Variants in SGPP2 observed in about 807,000 individuals in gnomAD.
The protein encoded by SGPP2 is sphingosine 1-phosphate phosphohydrolase 2.
SGPP2 carries 30 observed loss-of-function variants against 33.9 expected under a neutral mutation model. That is an observed-to-expected ratio of 0.89 (90% CI 0.66 to 1.20). The LOEUF (loss-of-function observed/expected upper bound fraction) is 1.20, where lower values mean the gene tolerates loss of function less well. Ranked by LOEUF, SGPP2 falls within the 50% of genes most tolerant of loss-of-function variation. The pLI is 0.00. For synonymous variants in SGPP2, 233 were observed against 225.0 expected (o/e 1.04, Z -0.32); for missense variants, 458 against 532.1 (o/e 0.86, Z 1.37).
intron 1 of SGPP2, among the ~76,000 whole-genome samples, chr2:222,448,442 A>G (rs1697428902): frequency 6.6e-6 from 1 of 152,184 alleles, no homozygotes; most frequent in Admixed American, 6.5e-5. Flanking sequence ...TTGGGTTTGC[A>G]CACTTACTCT....
intron 1 of SGPP2, among the ~76,000 whole-genome samples, chr2:222,435,878 A>G (rs1174555114): frequency 6.6e-6 from 1 of 152,206 alleles, no homozygotes; most frequent in Non-Finnish European, 1.5e-5. Flanking sequence ...GCCTTCAGCA[A>G]GCACTTCAGC....
chr2:222,559,171 C>CAG lies in SGPP2; in HGVS notation c.*273_*274insAG. 1 of 101,390 alleles carries CAG rather than the reference C, an allele frequency of 9.9e-6. No homozygotes were observed. The highest frequency in any genetic ancestry group is 1.9e-4 in the East Asian group (1 of 5,186). 6.3% of individuals were successfully genotyped at this position (101,390 alleles called of 1,614,324 possible). On this transcript the variant is annotated 3_prime_UTR_variant, in exon 5 of 5. Coordinates refer to ENST00000321276, the MANE Select transcript of SGPP2 (RefSeq NM_152386.4). ...AAAGGCACACACCGCGCCCCCCCCCCCCCCGCCCGGCCCCTGCTCCTCTCG... is the reference window on the plus strand; with the variant it reads ...AAAGGCACACACCGCGCCCCCCCCCCAGCCCCGCCCGGCCCCTGCTCCTCTCG...
chr2:222,490,411 A>T (rs1698178868), intron 2 of SGPP2, among the ~76,000 whole-genome samples: 1 of 152,100 alleles, frequency 6.6e-6, no homozygotes, highest in Non-Finnish European at 1.5e-5. Flanking sequence ...AAATTCCAAG[A>T]TTATGTACAT....
intron 4 of SGPP2, among the ~76,000 whole-genome samples, chr2:222,536,499 G>C (rs921853062): frequency 6.6e-6 from 1 of 152,074 alleles, no homozygotes; most frequent in Non-Finnish European, 1.5e-5. Flanking sequence ...GACCAACGTG[G>C]TAAAACCCTG....
intron 4 of SGPP2, among the ~76,000 whole-genome samples, chr2:222,526,394 G>C (rs994137149): frequency 6.6e-6 from 1 of 152,192 alleles, no homozygotes; most frequent in African/African-American, 2.4e-5. Context: ...CCCAAGGCAC[G>C]TCCTTGCTGT....
intron 1 of SGPP2, among the ~76,000 whole-genome samples, chr2:222,433,699 C>T (rs75651467): frequency 4.6e-4 from 60 of 129,206 alleles, no homozygotes; most frequent in African/African-American, 1.7e-3. Context: ...TGATTTTTTT[C>T]CCCCCATGTT....
chr2:222,490,484 A>G (rs1484095678), intron 2 of SGPP2, among the ~76,000 whole-genome samples: 2 of 152,166 alleles, frequency 1.3e-5, no homozygotes, highest in African/African-American at 4.8e-5. Context: ...GCTAGAGTGC[A>G]GTGGTGCAAT....
At chr2:222,479,320 G>A (rs544694635) in intron 2 of SGPP2, among the ~76,000 whole-genome samples, 37 of 151,374 alleles carry the variant, frequency 2.4e-4, no homozygotes, top group African/African-American at 7.8e-4. Flanking sequence ...TTGAATATTT[G>A]CTTTGGTTTG....
chr2:222,466,214 A>T (rs1008643227), intron 1 of SGPP2, among the ~76,000 whole-genome samples: 2 of 150,390 alleles, frequency 1.3e-5, no homozygotes, highest in Admixed American at 6.6e-5. Context: ...TGTTCTATGT[A>T]GACATGGCCC....
At chr2:222,428,732 T>TCGG (rs1316673770) in intron 1 of SGPP2, among the ~76,000 whole-genome samples, 1 of 151,166 alleles carries the variant, frequency 6.6e-6, no homozygotes. Context: ...TCTCTGAACC[T>TCGG]CGGTTGTCCC....
chr2:222,504,805 A>G (rs532029004), intron 2 of SGPP2: 55 of 152,432 alleles, frequency 3.6e-4, no homozygotes, highest in African/African-American at 1.2e-3. Context: ...TAGGCACCCA[A>G]TATAGACAAG....
chr2:222,471,846 G>A (rs187767078), intron 1 of SGPP2, among the ~76,000 whole-genome samples: 2 of 152,056 alleles, frequency 1.3e-5, no homozygotes, highest in African/African-American at 4.8e-5. Context: ...CCTTAAGTAG[G>A]ATTAAAATTA....
chr2:222,540,818 T>TTC (rs71408520), intron 4 of SGPP2, among the ~76,000 whole-genome samples: 11 of 49,312 alleles, frequency 2.2e-4, no homozygotes, highest in South Asian at 9.7e-4. Context: ...TTATAAACTG[T>TTC]TTTTTTTTTT....
Position 222,550,061 on chromosome 2 carries a change from G to A in SGPP2, c.649-8286G>A, listed in dbSNP as rs183341239. ...CTGGTTAATTTTTTTGTATTTTTTG[G>A]TAGAGACAGGGTTTCACCATATTGG... On this transcript the variant is annotated intron_variant, in intron 4 of 4. Coordinates refer to ENST00000321276, the MANE Select transcript of SGPP2 (RefSeq NM_152386.4). This position sits in a 1 kb window ranked among gnomAD's most constrained non-coding sequence, Gnocchi z 4.5. Among the ~76,000 whole-genome samples the A allele has an allele frequency of 9.2e-5, 14 of 151,936 alleles. No homozygotes were observed. In the East Asian group the frequency reaches 2.7e-3, roughly 30 times the overall value.
intron 1 of SGPP2, among the ~76,000 whole-genome samples, chr2:222,435,328 T>G (rs1439123340): frequency 6.6e-6 from 1 of 152,160 alleles, no homozygotes; most frequent in East Asian, 1.9e-4. Context: ...GCTGATTAGA[T>G]TGTGCCCACT....
At position 222,474,637 on chromosome 2, in the gene SGPP2, G is replaced by C; in HGVS notation, c.289G>C (p.Gly97Arg). 1.2e-6 allele frequency: 2 copies of C among 1,613,816 alleles called. No homozygotes were observed. The highest frequency in any genetic ancestry group is 1.7e-6 in the Non-Finnish European group (2 of 1,179,914). Residue 97 changes from glycine (G) to arginine (R), a missense_variant, in exon 2 of 5, where the codon GGC becomes CGC. By Grantham distance (125) the Gly-to-Arg change is moderately radical (BLOSUM62 -2). Coordinates refer to ENST00000321276, the MANE Select transcript of SGPP2 (RefSeq NM_152386.4). The part of the protein sequence containing the change: ...YYLFQFSAAL[G>R]QEVFYITFLP... ...CCTATTCCAATTTTCAGCTGCTTTGGGCCAAGAAGTGTTCTACATCACGTT... is the reference window on the plus strand; with the variant it reads ...CCTATTCCAATTTTCAGCTGCTTTGCGCCAAGAAGTGTTCTACATCACGTT...
At chr2:222,508,286 T>C (rs918150755) in intron 2 of SGPP2, among the ~76,000 whole-genome samples, 2 of 152,206 alleles carry the variant, frequency 1.3e-5, no homozygotes, top group Non-Finnish European at 2.9e-5. Flanking sequence ...TCAATTCACT[T>C]AGATTCGGTA....
At chr2:222,464,457 G>T (rs1044592879) in intron 1 of SGPP2, among the ~76,000 whole-genome samples, 1 of 152,158 alleles carries the variant, frequency 6.6e-6, no homozygotes, top group Non-Finnish European at 1.5e-5. Flanking sequence ...CTAAGCAAAT[G>T]CTGTGTCCTT....
At chr2:222,522,202 A>G (rs1698696733) in intron 3 of SGPP2, among the ~76,000 whole-genome samples, 1 of 152,248 alleles carries the variant, frequency 6.6e-6, no homozygotes, top group African/African-American at 2.4e-5. Context: ...AACTAGCATA[A>G]TATGGGCCAT....
Sources: gnomAD v4.1 joint callset for allele counts (sites outside exome capture counted in the v4.1 genomes callset) on GRCh38, gnomAD v4.1.1 for gene constraint, Gnocchi (gnomAD v3.1) non-coding constraint, MANE v1.5 for transcripts, NCBI Gene and HGNC (gene_info 2026-07-23, HGNC 2026-07-21) for gene names.